ZNF407: variants seen among roughly 807,000 people sequenced by gnomAD.
ZNF407 encodes zinc finger protein 407.
In ZNF407, 17 loss-of-function variants were observed where a neutral mutation model predicts 131.2. The ratio of observed to expected loss-of-function variants is 0.13; its 90% CI spans 0.09 to 0.19. ZNF407 has a LOEUF of 0.19. Ranked by LOEUF, ZNF407 falls within the 10% of genes least tolerant of loss-of-function variation. The pLI is 1.00. For synonymous variants in ZNF407, 1,156 were observed against 1,062.0 expected (o/e 1.09, Z -1.72); for missense variants, 2,681 against 2,830.6 (o/e 0.95, Z 1.20).
intron 8 of ZNF407, among the ~76,000 whole-genome samples, chr18:75,028,597 A>G (rs529114701): frequency 6.6e-6 from 1 of 152,330 alleles, no homozygotes; most frequent in Admixed American, 6.5e-5. Flanking sequence ...AGTGACTCTG[A>G]TGCCACTGGG....
intron 1 of ZNF407, among the ~76,000 whole-genome samples, chr18:74,602,198 A>T (rs1982614613): frequency 6.6e-6 from 1 of 152,184 alleles, no homozygotes; most frequent in African/African-American, 2.4e-5. Flanking sequence ...CAAGAAGTTG[A>T]TGGCGGTGTA....
At chr18:75,034,803 A>C (rs1291338997) in intron 8 of ZNF407, among the ~76,000 whole-genome samples, 1 of 152,186 alleles carries the variant, frequency 6.6e-6, no homozygotes, top group Admixed American at 6.5e-5. Context: ...AGAAGAGAAA[A>C]CAATTTAGAG....
At chr18:74,846,575 G>T (rs1048551762) in intron 4 of ZNF407, among the ~76,000 whole-genome samples, 8 of 151,808 alleles carry the variant, frequency 5.3e-5, no homozygotes, top group Non-Finnish European at 1.0e-4. Context: ...GACCTCAGGT[G>T]ATCCGCCTGC....
chr18:74,615,953 T>A (rs1202698308), intron 1 of ZNF407, among the ~76,000 whole-genome samples: 1 of 151,958 alleles, frequency 6.6e-6, no homozygotes, highest in Non-Finnish European at 1.5e-5. Flanking sequence ...AGCTTCCGCC[T>A]CCCGGGTTCA....
At chr18:74,615,013 C>T (rs142956755) in intron 1 of ZNF407, among the ~76,000 whole-genome samples, 55 of 152,282 alleles carry the variant, frequency 3.6e-4, no homozygotes, top group African/African-American at 1.3e-3. Flanking sequence ...GTGATAGATG[C>T]CACTTAAGCA....
At chr18:74,937,532 T>C (rs1468960566) in intron 8 of ZNF407, among the ~76,000 whole-genome samples, 1 of 152,174 alleles carries the variant, frequency 6.6e-6, no homozygotes, top group Non-Finnish European at 1.5e-5. Flanking sequence ...ATCCCAAAAG[T>C]TTTATCAGTC....
At chr18:74,780,503 A>C (rs925107827) in intron 3 of ZNF407, among the ~76,000 whole-genome samples, 2 of 152,190 alleles carry the variant, frequency 1.3e-5, no homozygotes, top group African/African-American at 4.8e-5. Context: ...ATATTTTTGC[A>C]TATGTCATGT....
chr18:74,618,976 A>T (rs1347008236), intron 1 of ZNF407, among the ~76,000 whole-genome samples: 1 of 152,202 alleles, frequency 6.6e-6, no homozygotes, highest in African/African-American at 2.4e-5. Flanking sequence ...GATTTTGTCC[A>T]AAATTAGTAG....
chr18:75,052,144 G>A (rs1254872672), intron 8 of ZNF407, among the ~76,000 whole-genome samples: 1 of 152,142 alleles, frequency 6.6e-6, no homozygotes, highest in African/African-American at 2.4e-5. Flanking sequence ...GCGTGTGCTT[G>A]GGTGTGCTTA....
At position 74,775,625 on chromosome 18, in the gene ZNF407, G is replaced by A. The variant is rs1969453239; in HGVS notation, c.4803-5803G>A. Among the ~76,000 whole-genome samples the A allele has an allele frequency of 2.0e-5, 3 of 152,164 alleles. No homozygotes were observed. In the South Asian group the frequency reaches 6.2e-4, roughly 31 times the overall value. ...CAACTTCACCATGCTCTGAATGCTT[G>A]TGTCCCTCCAAAATTCCCATGTTGA... On this transcript the variant is annotated intron_variant, in intron 3 of 8. Coordinates refer to ENST00000299687, the MANE Select transcript of ZNF407 (RefSeq NM_017757.3).
In ZNF407 at chr18:74,786,791, A is replaced by AGGTTTTTTTTTTTTTT. The variant is rs1969722911; in HGVS notation, c.4877+5289_4877+5290insGGTTTTTTTTTTTTTT. On this transcript the variant is annotated intron_variant, in intron 4 of 8. Coordinates refer to ENST00000299687, the MANE Select transcript of ZNF407 (RefSeq NM_017757.3). ...TTAATTGGTTTTAATGTAAAAAAGT[A>AGGTTTTTTTTTTTTTT]TGTTTTTTTTTTTTTTTTTTTTTTT... is the stretch of plus-strand genomic sequence containing the variant. Among the ~76,000 whole-genome samples the AGGTTTTTTTTTTTTTT allele has an allele frequency of 2.6e-5, 2 of 77,696 alleles. 1 individual carries two copies. The highest frequency in any genetic ancestry group is 3.4e-4 in the Admixed American group (2 of 5,842). The allele number at this position is 77,696 out of a possible 152,430, so 51.0% of individuals were successfully genotyped here.
At chr18:75,002,595 G>T (rs184619227) in intron 8 of ZNF407, among the ~76,000 whole-genome samples, 2 of 152,100 alleles carry the variant, frequency 1.3e-5, no homozygotes, top group Admixed American at 1.3e-4. Context: ...GAGGTCAGGA[G>T]ATCGAGACCA....
chr18:74,957,329 T>C (rs967397477), intron 8 of ZNF407, among the ~76,000 whole-genome samples: 9 of 152,126 alleles, frequency 5.9e-5, no homozygotes, highest in Non-Finnish European at 2.9e-5. Flanking sequence ...CCGTCGCCCT[T>C]TCCATAGGCA....
At chr18:75,049,562 G>GT (rs1201419838) in intron 8 of ZNF407, among the ~76,000 whole-genome samples, 1 of 152,088 alleles carries the variant, frequency 6.6e-6, no homozygotes, top group Non-Finnish European at 1.5e-5. Flanking sequence ...GGTCGTTCAG[G>GT]TTTTTTTAAT....
At chr18:74,621,027 C>T (rs1359573917) in intron 1 of ZNF407, among the ~76,000 whole-genome samples, 4 of 152,040 alleles carry the variant, frequency 2.6e-5, no homozygotes, top group East Asian at 3.9e-4. Context: ...CCAAAATGAG[C>T]GGATTTTTCA....
At chr18:74,795,046 G>A (rs1969894279) in intron 4 of ZNF407, among the ~76,000 whole-genome samples, 1 of 152,010 alleles carries the variant, frequency 6.6e-6, no homozygotes, top group Non-Finnish European at 1.5e-5. Context: ...ATTTTCAGAA[G>A]TTACAGACTT....
intron 7 of ZNF407, among the ~76,000 whole-genome samples, chr18:74,919,620 A>G (rs1971819305): frequency 6.6e-6 from 1 of 152,192 alleles, no homozygotes; most frequent in Non-Finnish European, 1.5e-5. Flanking sequence ...TTTCTAGATA[A>G]CCCCTCAACA....
At chr18:75,002,806 A>G (rs1198590292) in intron 8 of ZNF407, among the ~76,000 whole-genome samples, 2 of 814 alleles carry the variant, frequency 2.5e-3, no homozygotes, top group East Asian at 0.5. Context: ...CTCCGGCTCA[A>G]AAAAAAAAAA....
chr18:75,046,818 T>C (rs1441562148), intron 8 of ZNF407, among the ~76,000 whole-genome samples: 4 of 152,056 alleles, frequency 2.6e-5, no homozygotes, highest in African/African-American at 9.7e-5. Flanking sequence ...TCTATGTAGA[T>C]TCAAGCCCAA....
Sources: gnomAD v4.1 joint callset for allele counts (sites outside exome capture counted in the v4.1 genomes callset) on GRCh38, gnomAD v4.1.1 for gene constraint, MANE v1.5 for transcripts, NCBI Gene and HGNC (gene_info 2026-07-23, HGNC 2026-07-21) for gene names.